Variants in PCDHGA9 observed in about 807,000 individuals in gnomAD.
PCDHGA9 encodes the protein protocadherin gamma-A9.
In PCDHGA9, 37 loss-of-function variants were observed where a neutral mutation model predicts 62.5. That is an observed-to-expected ratio of 0.59 (90% CI 0.46 to 0.78). The LOEUF is 0.78. Among genes scored for constraint, PCDHGA9 ranks in the 30% least tolerant of loss-of-function variants. PCDHGA9 has a pLI of 0.00. For synonymous variants in PCDHGA9, 459 were observed against 484.6 expected (o/e 0.95, Z 0.69); for missense variants, 1,138 against 1,166.2 (o/e 0.98, Z 0.35).
chr5:141,415,007 G>C, intron 1 of PCDHGA9: 1 of 1,613,654 alleles, frequency 6.2e-7, no homozygotes, highest in Non-Finnish European at 8.5e-7. Context: ...CTGTCCTACC[G>C]TCTGCTCAAG....
In PCDHGA9 at chr5:141,491,623, G is replaced by C; in HGVS notation, c.2425-3184G>C. On this transcript the variant is annotated intron_variant, in intron 1 of 3. Coordinates refer to ENST00000573521, the MANE Select transcript of PCDHGA9 (RefSeq NM_018921.3). The surrounding 1 kb of genome is among the most constrained non-coding windows in gnomAD (Gnocchi z 6.9). ...CTTCACTTTTCTAAGACCCCTCAGC[G>C]TTCAGCAGCCCACAGCTCTGGCGCT... 1 of 1,613,930 alleles carries C rather than the reference G, an allele frequency of 6.2e-7. No individual in the cohort carries two copies. Among genetic ancestry groups the C allele is most frequent in the Non-Finnish European group, 8.5e-7 (1 of 1,180,020 alleles).
Position 141,404,384 on chromosome 5 carries a change from G to C in PCDHGA9, c.1432G>C (p.Asp478His). The C allele has an allele frequency of 5.6e-6, 9 of 1,613,904 alleles. No homozygotes were observed. The highest frequency in any genetic ancestry group is 1.3e-5 in the African/African-American group (1 of 75,022). The change falls in exon 1 of 4, where the codon GAC becomes CAC. Residue 478 changes from aspartate (D) to histidine (H), a missense_variant. Physicochemically the swap from Asp to His is moderately conservative, Grantham distance 81. Coordinates refer to ENST00000573521, the MANE Select transcript of PCDHGA9 (RefSeq NM_018921.3). The stretch of plus-strand genomic sequence containing the variant: ...TTCCATCTTCTCCGTGATTGCCTAT[G>C]ACCCTGATAGCAATGAGAATTCTAG... ...GTSIFSVIAY[D>H]PDSNENSRVI...
chr5:141,481,436 T>C (rs775003998), intron 1 of PCDHGA9, among the ~76,000 whole-genome samples: 5 of 152,220 alleles, frequency 3.3e-5, no homozygotes, highest in South Asian at 2.1e-4. Flanking sequence ...ATTGTATCAG[T>C]TTAGTACATG....
chr5:141,418,891 C>G (rs774546487), intron 1 of PCDHGA9: 4 of 1,613,842 alleles, frequency 2.5e-6, no homozygotes, highest in East Asian at 2.2e-5. Context: ...ACGACAACAG[C>G]CCAGAAATAA....
rs568123995 is a variant in PCDHGA9 at position 141,511,539 on chromosome 5, C to G, written c.*366C>G. The G allele has an allele frequency of 3.0e-5, 10 of 328,342 alleles. No individual in the cohort carries two copies. The highest frequency in any genetic ancestry group is 2.1e-4 in the African/African-American group (10 of 47,452). The allele number at this position is 328,342 out of a possible 1,614,324, so 20.3% of individuals were successfully genotyped here. ...CATCCCATGCCTCCCTCCTCCCCAC[C>G]CCACTCCAACAGTTCCTCTTTCCCG... On this transcript the variant is annotated 3_prime_UTR_variant, in exon 4 of 4. Transcript: ENST00000573521.
In PCDHGA9 at chr5:141,511,406, G is replaced by C; in HGVS notation, c.*233G>C. The C allele has an allele frequency of 1.1e-6, 1 of 942,018 alleles. No individual in the cohort carries two copies. The highest frequency in any genetic ancestry group is 1.7e-5 in the African/African-American group (1 of 60,280). The allele number at this position is 942,018 out of a possible 1,614,324, so 58.4% of individuals were successfully genotyped here. ...GCTGGGAACCCCCATCCAATCAACT[G>C]CTGTACCCATGGGGGTAGTGGGGTT... On this transcript the variant is annotated 3_prime_UTR_variant, in exon 4 of 4. Coordinates refer to ENST00000573521, the MANE Select transcript of PCDHGA9 (RefSeq NM_018921.3).
chr5:141,476,238 G>C lies in PCDHGA9; in HGVS notation c.2425-18569G>C, dbSNP rs764976894. ...ATTCACTATGAGATCCCGGAGGAAA[G>C]AGAGAAGGGTTTCGCTGTGGGCAAC... On this transcript the variant is annotated intron_variant, in intron 1 of 3. Coordinates refer to ENST00000573521, the MANE Select transcript of PCDHGA9 (RefSeq NM_018921.3). The surrounding 1 kb of genome is among the most constrained non-coding windows in gnomAD (Gnocchi z 7.6). 1 of 1,614,098 alleles carries C rather than the reference G, an allele frequency of 6.2e-7. No individual in the cohort carries two copies.
chr5:141,447,864 T>A (rs2098553913), intron 1 of PCDHGA9, among the ~76,000 whole-genome samples: 1 of 152,098 alleles, frequency 6.6e-6, no homozygotes, highest in Non-Finnish European at 1.5e-5. Context: ...GGTGGGTGAA[T>A]CATCTGAGGT....
At position 141,511,373 on chromosome 5, in the gene PCDHGA9, G is replaced by C. The variant is rs1361376059; in HGVS notation, c.*200G>C. 16 of 1,251,214 alleles carry C rather than the reference G, an allele frequency of 1.3e-5. No homozygotes were observed. Among genetic ancestry groups the C allele is most frequent in the Non-Finnish European group, 1.4e-5 (13 of 925,282 alleles). The allele number at this position is 1,251,214 out of a possible 1,614,324, so 77.5% of individuals were successfully genotyped here. A position where few individuals can be genotyped will look rare whatever the true frequency, so the allele number is the denominator to read the frequency against. ...CCCCCAGGGGGTTGAATATGCAAAAGCAGTTCCGCTGGGAACCCCCATCCA... is the reference window on the plus strand; with the variant it reads ...CCCCCAGGGGGTTGAATATGCAAAACCAGTTCCGCTGGGAACCCCCATCCA... On this transcript the variant is annotated 3_prime_UTR_variant, in exon 4 of 4. Transcript: ENST00000573521.
intron 1 of PCDHGA9, chr5:141,413,515 G>C: frequency 6.2e-7 from 1 of 1,613,984 alleles, no homozygotes; most frequent in Non-Finnish European, 8.5e-7. Context: ...TAATATCCTT[G>C]TGGAAGACAG....
intron 1 of PCDHGA9, chr5:141,433,325 C>CA: frequency 2.8e-6 from 2 of 726,266 alleles, no homozygotes; most frequent in Non-Finnish European, 4.5e-6. Context: ...TCCGGTGTAA[C>CA]AGGGACTACA....
chr5:141,436,035 A>G (rs957896521), intron 1 of PCDHGA9, among the ~76,000 whole-genome samples: 3 of 152,178 alleles, frequency 2.0e-5, no homozygotes, highest in Non-Finnish European at 4.4e-5. Flanking sequence ...CTAAATTTGT[A>G]TTTACATTAG....
chr5:141,451,112 G>A (rs776356458), intron 1 of PCDHGA9, among the ~76,000 whole-genome samples: 9 of 152,236 alleles, frequency 5.9e-5, no homozygotes, highest in Admixed American at 1.3e-4. Flanking sequence ...ACAGGCGTGA[G>A]CCACCACACC....
Position 141,403,381 on chromosome 5 carries a change from C to T in PCDHGA9, c.429C>T (p.Asn143=), listed in dbSNP as rs1022563452. The stretch of plus-strand genomic sequence containing the variant: ...CCGAAAGTCTGGAAGTAAAAATTAA[C>T]GAAATCGCGGTTCCTGGAGCACGTT... ...FQAESLEVKI[N]EIAVPGARYP... The change falls in exon 1 of 4, where the codon AAC becomes AAT. Residue 143 remains asparagine, a synonymous_variant. Transcript: ENST00000573521. 4.3e-6 allele frequency: 7 copies of T among 1,614,038 alleles called. No individual in the cohort carries two copies. The highest frequency in any genetic ancestry group is 8.5e-7 in the Non-Finnish European group (1 of 1,179,890).
chr5:141,499,150 T>C (rs1424635509), intron 2 of PCDHGA9, among the ~76,000 whole-genome samples: 5 of 152,180 alleles, frequency 3.3e-5, no homozygotes, highest in Non-Finnish European at 1.5e-5. Context: ...CTGATCCCAA[T>C]AGCTGTTGTC....
chr5:141,427,887 C>A (rs759734297), intron 1 of PCDHGA9: 2 of 1,565,908 alleles, frequency 1.3e-6, no homozygotes, highest in Admixed American at 1.7e-5. Flanking sequence ...GGCCCACGAC[C>A]AGGGCTCGCC....
chr5:141,421,833 C>T (rs1364245594), intron 1 of PCDHGA9: 6 of 1,613,756 alleles, frequency 3.7e-6, no homozygotes, highest in Non-Finnish European at 4.2e-6. Flanking sequence ...GAAGCCTGGA[C>T]CGAGAGAAAG....
Position 141,405,029 on chromosome 5 carries a change from C to G in PCDHGA9, c.2077C>G (p.Leu693Val), listed in dbSNP as rs565871444. 16 of 1,613,976 alleles carry G rather than the reference C, an allele frequency of 9.9e-6. No individual in the cohort carries two copies. The Admixed American group carries it at 1.0e-4, about 10-fold the overall frequency. The change falls in exon 1 of 4, where the codon CTC becomes GTC. Residue 693 changes from leucine to valine, a missense_variant. Coordinates refer to ENST00000573521, the MANE Select transcript of PCDHGA9 (RefSeq NM_018921.3). ...DLEASDLTLY[L>V]VVAVAVVSCV... ...GGAGGCCTCAGACCTTACCCTCTAC[C>G]TCGTTGTGGCTGTGGCAGTCGTCTC...
rs1246027327 is a variant in PCDHGA9, at chr5:141,491,976, C to A, written c.2425-2831C>A. On this transcript the variant is annotated intron_variant, in intron 1 of 3. Transcript: ENST00000573521. This position sits in a 1 kb window ranked among gnomAD's most constrained non-coding sequence, Gnocchi z 6.9. ...ACTCAAAAAAGGCCGGGGCCTCCTT[C>A]GAGCTTCCGGTGAATTTCGGGCGAT... 3 of 800,708 alleles carry A rather than the reference C, an allele frequency of 3.7e-6. No individual in the cohort carries two copies. The Admixed American group carries it at 1.1e-4, about 30-fold the overall frequency. 49.6% of individuals were successfully genotyped at this position (800,708 alleles called of 1,614,324 possible).
Sources: gnomAD v4.1 joint callset for allele counts (sites outside exome capture counted in the v4.1 genomes callset) on GRCh38, gnomAD v4.1.1 for gene constraint, Gnocchi (gnomAD v3.1) non-coding constraint, MANE v1.5 for transcripts, NCBI Gene and HGNC (gene_info 2026-07-23, HGNC 2026-07-21) for gene names.